The following RIMBP2 variants were observed in gnomAD, a reference collection of about 807,000 sequenced individuals.
RIMBP2 encodes RIMS-binding protein 2.
A neutral mutation model predicts 118.6 loss-of-function variants in RIMBP2; 48 were observed. That is an observed-to-expected ratio of 0.40 (90% CI 0.32 to 0.51). RIMBP2 has a LOEUF of 0.51. Among genes scored for constraint, RIMBP2 ranks in the 20% least tolerant of loss-of-function variants. The pLI, the probability that RIMBP2 is intolerant of heterozygous loss-of-function variation, is 0.41. For synonymous variants in RIMBP2, 762 were observed against 742.9 expected (o/e 1.03, Z -0.42); for missense variants, 1,551 against 1,768.3 (o/e 0.88, Z 2.20).
At chr12:130,602,439 C>T (rs1419168220) in intron 2 of RIMBP2, among the ~76,000 whole-genome samples, 2 of 152,214 alleles carry the variant, frequency 1.3e-5, no homozygotes, top group Admixed American at 1.3e-4. Context: ...ATGCCCTCCG[C>T]CCATTTGGGG....
chr12:130,497,652 G>GA (rs1357867480), intron 4 of RIMBP2, among the ~76,000 whole-genome samples: 4 of 152,214 alleles, frequency 2.6e-5, no homozygotes, highest in Admixed American at 2.6e-4. Context: ...AAACTCACAT[G>GA]AAAAACACAT....
chr12:130,572,259 C>G (rs1473577121), intron 2 of RIMBP2, among the ~76,000 whole-genome samples: 1 of 103,918 alleles, frequency 9.6e-6, no homozygotes, highest in Non-Finnish European at 2.5e-5. Flanking sequence ...CCACGGAGGT[C>G]CCAGCTACTT....
intron 17 of RIMBP2, among the ~76,000 whole-genome samples, chr12:130,418,368 T>C (rs186402278): frequency 1.3e-5 from 2 of 152,332 alleles, no homozygotes; most frequent in Admixed American, 6.5e-5. Context: ...CTGAGTTCAA[T>C]AGAATGTGAA....
At chr12:130,603,712 G>A (rs1205843778) in intron 2 of RIMBP2, among the ~76,000 whole-genome samples, 1 of 152,144 alleles carries the variant, frequency 6.6e-6, no homozygotes, top group Non-Finnish European at 1.5e-5. Context: ...TAGCCCTATA[G>A]CCCGGTGACT....
intron 17 of RIMBP2, among the ~76,000 whole-genome samples, chr12:130,421,893 C>G (rs150452405): frequency 6.6e-6 from 1 of 152,274 alleles, no homozygotes; most frequent in Non-Finnish European, 1.5e-5. Context: ...TGGCTGAATT[C>G]CAAAAAGTCA....
chr12:130,592,360 A>AC (rs777632265), intron 2 of RIMBP2, among the ~76,000 whole-genome samples: 1 of 152,094 alleles, frequency 6.6e-6, no homozygotes, highest in Non-Finnish European at 1.5e-5. Context: ...TTTGACAGCC[A>AC]CCCCTTTGCC....
chr12:130,560,565 T>G (rs544688670), intron 2 of RIMBP2, among the ~76,000 whole-genome samples: 12 of 152,320 alleles, frequency 7.9e-5, no homozygotes, highest in African/African-American at 2.9e-4. Flanking sequence ...CAGTCTAATC[T>G]ACCATAAACC....
chr12:130,621,879 G>T lies in RIMBP2; in HGVS notation c.-217+6443C>A, dbSNP rs1021997612. ...GCCTGGTACTGAGGCCAGCAGGCCAGCATCACACACACTTCCCGACAGGCC... is the reference window on the plus strand; with the variant it reads ...GCCTGGTACTGAGGCCAGCAGGCCATCATCACACACACTTCCCGACAGGCC... On this transcript the variant is annotated intron_variant, in intron 2 of 22. Coordinates refer to ENST00000690449, the MANE Select transcript of RIMBP2 (RefSeq NM_001393629.1). The surrounding 1 kb of genome is among the most constrained non-coding windows in gnomAD (Gnocchi z 6.6). Among the ~76,000 whole-genome samples, 1 of 152,186 alleles carries T rather than the reference G, an allele frequency of 6.6e-6. No homozygotes were observed. Among genetic ancestry groups the T allele is most frequent in the Non-Finnish European group, 1.5e-5 (1 of 68,046 alleles).
chr12:130,599,912 T>A (rs1388877632), intron 2 of RIMBP2, among the ~76,000 whole-genome samples: 1 of 152,196 alleles, frequency 6.6e-6, no homozygotes, highest in East Asian at 1.9e-4. Context: ...TGCCCCATTC[T>A]ATTCAAAGTC....
chr12:130,714,407 G>A (rs1305806774), intron 1 of RIMBP2, among the ~76,000 whole-genome samples: 3 of 152,190 alleles, frequency 2.0e-5, no homozygotes, highest in Admixed American at 1.3e-4. Flanking sequence ...GGGGTTCTCT[G>A]CCGGGCTTGC....
At chr12:130,696,109 T>A (rs2065561130) in intron 1 of RIMBP2, among the ~76,000 whole-genome samples, 1 of 152,174 alleles carries the variant, frequency 6.6e-6, no homozygotes, top group South Asian at 2.1e-4. Flanking sequence ...GTACCAACGA[T>A]GCATGGACAC....
At position 130,450,184 on chromosome 12, in the gene RIMBP2, G is replaced by A. The variant is rs537382543; in HGVS notation, c.581+16C>T. The A allele has an allele frequency of 3.2e-4, 513 of 1,584,446 alleles. 8 individuals carry two copies. The South Asian group carries it at 5.2e-3, about 16-fold the overall frequency. On this transcript the variant is annotated intron_variant, in intron 9 of 22. Transcript: ENST00000690449. The surrounding 1 kb of genome is among the most constrained non-coding windows in gnomAD (Gnocchi z 4.8). ...CACTCACAGGGGCTCGGTGGACGCC[G>A]AGGGGCCGCACTTACCTATAGCGGG...
intron 13 of RIMBP2, among the ~76,000 whole-genome samples, chr12:130,435,738 G>A (rs764619658): frequency 1.1e-4 from 16 of 152,342 alleles, no homozygotes; most frequent in African/African-American, 3.4e-4. Flanking sequence ...AATGTCGAAC[G>A]AATTAGCAAA....
Position 130,442,152 on chromosome 12 carries a change from C to T in RIMBP2, c.1200G>A (p.Thr400=), listed in dbSNP as rs149109982. The part of the protein sequence containing the change: ...SRGSSDELQC[T]LLVGKDVVVA... The stretch of plus-strand genomic sequence containing the variant: ...CCACCACGTCCTTGCCCACCAGCAG[C>T]GTGCACTGCAGCTCATCCGAGCTGC... The change falls in exon 11 of 23, where the codon ACG becomes ACA. Residue 400 remains threonine (T), a synonymous_variant. Transcript: ENST00000690449. This position sits in a 1 kb window ranked among gnomAD's most constrained non-coding sequence, Gnocchi z 6.9. 38 of 1,614,170 alleles carry T rather than the reference C, an allele frequency of 2.4e-5. No individual in the cohort carries two copies. The African/African-American group carries it at 4.0e-4, about 17-fold the overall frequency.
At chr12:130,510,693 T>C (rs2050825147) in intron 3 of RIMBP2, among the ~76,000 whole-genome samples, 1 of 152,166 alleles carries the variant, frequency 6.6e-6, no homozygotes, top group Non-Finnish European at 1.5e-5. Context: ...GGTCTTGAAC[T>C]CCTGACCTCA....
Position 130,424,388 on chromosome 12 carries a change from C to T in RIMBP2, c.2883G>A (p.Arg961=), listed in dbSNP as rs953117014. 2.4e-6 allele frequency: 3 copies of T among 1,232,622 alleles called. No individual in the cohort carries two copies. Among genetic ancestry groups the T allele is most frequent in the Non-Finnish European group, 3.0e-6 (3 of 988,184 alleles). The allele number at this position is 1,232,622 out of a possible 1,614,324, so 76.4% of individuals were successfully genotyped here. A position where few individuals can be genotyped will look rare whatever the true frequency, so the allele number is the denominator to read the frequency against. ...CGCTGCTCTGCCGGGTCAGCGTCCG[C>T]CGCCGGGCCAGCAGCGGCCTCGGGC... The part of the protein sequence containing the change: ...RRGPRPLLAR[R]RTLTRQSSVE... Residue 961 remains arginine, a synonymous_variant, in exon 16 of 23, where the codon CGG becomes CGA. Transcript: ENST00000690449. This position sits in a 1 kb window ranked among gnomAD's most constrained non-coding sequence, Gnocchi z 9.8.
intron 1 of RIMBP2, among the ~76,000 whole-genome samples, chr12:130,674,663 C>T (rs1044152077): frequency 1.2e-4 from 19 of 152,164 alleles, no homozygotes; most frequent in African/African-American, 4.6e-4. Flanking sequence ...AATACAGTGG[C>T]ATGGAGTGGC....
chr12:130,680,467 T>C lies in RIMBP2; in HGVS notation c.-352+35755A>G, dbSNP rs372393644. On this transcript the variant is annotated intron_variant, in intron 1 of 22. Transcript: ENST00000690449. ...AGTGGGCACAGTCAAGGAGCACTTG[T>C]GGGTTTTGGCCATGTGGGAACACAC... 1.3e-3 allele frequency among the ~76,000 whole-genome samples: 204 copies of C among 152,244 alleles called. 1 individual carries two copies. Among genetic ancestry groups the C allele is most frequent in the African/African-American group, 3.8e-3 (157 of 41,534 alleles).
chr12:130,438,899 A>G (rs545187185), intron 11 of RIMBP2, among the ~76,000 whole-genome samples: 1 of 152,104 alleles, frequency 6.6e-6, no homozygotes, highest in Non-Finnish European at 1.5e-5. Flanking sequence ...AGAGGGGCCA[A>G]CGAGACGCCG....
Sources: allele counts gnomAD v4.1 joint callset (sites outside exome capture counted in the v4.1 genomes callset), GRCh38; gene constraint gnomAD v4.1.1; non-coding constraint Gnocchi (gnomAD v3.1); transcripts MANE v1.5; gene names NCBI Gene and HGNC (gene_info 2026-07-23, HGNC 2026-07-21).